Variants in PTPRT observed in about 807,000 individuals in gnomAD.
PTPRT encodes protein tyrosine phosphatase receptor type T, also known as receptor-type tyrosine-protein phosphatase T.
Under a neutral mutation model 176.8 loss-of-function variants are expected in PTPRT, and 56 were observed. The ratio of observed to expected loss-of-function variants is 0.32; its 90% CI spans 0.26 to 0.40. The LOEUF (loss-of-function observed/expected upper bound fraction) is 0.40, where lower values mean the gene tolerates loss of function less well. PTPRT is among the 10% of genes least tolerant of loss of function. The pLI is 1.00. For synonymous variants in PTPRT, 783 were observed against 739.0 expected (o/e 1.06, Z -0.96); for missense variants, 1,540 against 1,908.2 (o/e 0.81, Z 3.60).
At chr20:42,580,620 A>G (rs1250270082) in intron 7 of PTPRT, among the ~76,000 whole-genome samples, 1 of 151,956 alleles carries the variant, frequency 6.6e-6, no homozygotes, top group Non-Finnish European at 1.5e-5. Context: ...GGTCCTTCAC[A>G]TCCTTTGTAA....
At chr20:42,245,459 T>C (rs775201576) in intron 14 of PTPRT, among the ~76,000 whole-genome samples, 3 of 152,200 alleles carry the variant, frequency 2.0e-5, no homozygotes, top group African/African-American at 4.8e-5. Flanking sequence ...TTTCTCCTTT[T>C]CGTTTCTCAA....
intron 9 of PTPRT, among the ~76,000 whole-genome samples, chr20:42,383,628 C>T (rs554729689): frequency 3.9e-4 from 59 of 152,230 alleles, no homozygotes; most frequent in African/African-American, 9.6e-4. Context: ...ACCATTACAG[C>T]TATAATAGGA....
chr20:42,081,938 C>T lies in PTPRT; in HGVS notation c.4216G>A (p.Val1406Met), dbSNP rs943054949. ...CGCAGTGTTTTCACGATGTGGAACA[C>T]GTCAATGATGTTTTGCTGCTGGATC... ...EMIQQQNIIDVFHIVKTLRNN... is the reference protein window; with the variant it reads ...EMIQQQNIIDMFHIVKTLRNN... Residue 1406 changes from valine (V) to methionine (M), a missense_variant, in exon 30 of 31, where the codon GTG (valine) becomes ATG (methionine). Physicochemically the swap from Val to Met is conservative, Grantham distance 21. Around this residue, in one of 11 missense-constraint regions of PTPRT, gnomAD observed 342 missense variants for 394.0 expected, o/e 0.87. Coordinates refer to ENST00000373187, the MANE Select transcript of PTPRT (RefSeq NM_007050.6). 13 of 1,614,240 alleles carry T rather than the reference C, an allele frequency of 8.1e-6. No individual in the cohort carries two copies. The highest frequency in any genetic ancestry group is 2.2e-5 in the South Asian group (2 of 91,082).
At chr20:42,219,453 G>T (rs866196432) in intron 15 of PTPRT, among the ~76,000 whole-genome samples, 1 of 152,172 alleles carries the variant, frequency 6.6e-6, no homozygotes, top group African/African-American at 2.4e-5. Context: ...TAGATAGGGG[G>T]TTGTCCATTC....
At chr20:42,790,835 T>C (rs1000449182) in intron 3 of PTPRT, among the ~76,000 whole-genome samples, 1 of 152,192 alleles carries the variant, frequency 6.6e-6, no homozygotes. Context: ...ATTTCATCTC[T>C]CCGAACCTCA....
At chr20:42,367,099 T>A (rs986734112) in intron 9 of PTPRT, among the ~76,000 whole-genome samples, 1 of 152,232 alleles carries the variant, frequency 6.6e-6, no homozygotes, top group African/African-American at 2.4e-5. Flanking sequence ...GGAAATACTT[T>A]GGGATTATAA....
chr20:42,637,856 G>C (rs2145919867), intron 7 of PTPRT, among the ~76,000 whole-genome samples: 1 of 152,028 alleles, frequency 6.6e-6, no homozygotes, highest in East Asian at 1.9e-4. Context: ...CCTCCAAACT[G>C]ACAAAGCTAA....
intron 8 of PTPRT, among the ~76,000 whole-genome samples, chr20:42,466,957 G>A (rs1176891964): frequency 2.6e-5 from 4 of 152,178 alleles, no homozygotes; most frequent in Non-Finnish European, 5.9e-5. Context: ...TCAGCTTGAA[G>A]AGACTGCCAC....
chr20:42,714,779 G>A (rs919230531), intron 6 of PTPRT, among the ~76,000 whole-genome samples: 4 of 152,194 alleles, frequency 2.6e-5, no homozygotes, highest in African/African-American at 9.7e-5. Flanking sequence ...TTGTTGAACT[G>A]AGGAACCCGA....
At chr20:42,677,516 C>G (rs1392218419) in intron 7 of PTPRT, among the ~76,000 whole-genome samples, 1 of 152,028 alleles carries the variant, frequency 6.6e-6, no homozygotes, top group African/African-American at 2.4e-5. Context: ...ATTAGAAAGC[C>G]TCAGACATAC....
chr20:42,066,063 G>A, the PTPRT span, among the ~76,000 whole-genome samples: 28 of 116,590 alleles, frequency 2.4e-4, no homozygotes, highest in African/African-American at 9.2e-4. Context: ...TTTTGAGACA[G>A]AGTTTCACTC....
intron 1 of PTPRT, among the ~76,000 whole-genome samples, chr20:42,924,882 C>T (rs1333685599): frequency 6.6e-6 from 1 of 152,184 alleles, no homozygotes; most frequent in Non-Finnish European, 1.5e-5. Context: ...AACGCAGATT[C>T]TTGGGCTGTG....
intron 1 of PTPRT, among the ~76,000 whole-genome samples, chr20:42,992,378 C>T (rs893009153): frequency 6.6e-6 from 1 of 152,196 alleles, no homozygotes; most frequent in African/African-American, 2.4e-5. Context: ...TCATCAGTGC[C>T]CATCCCTGGA....
At chr20:43,123,754 G>T (rs1254491110) in intron 1 of PTPRT, among the ~76,000 whole-genome samples, 2 of 152,174 alleles carry the variant, frequency 1.3e-5, no homozygotes, top group African/African-American at 4.8e-5. Context: ...ATCCTAACTA[G>T]TACCTACAGG....
chr20:42,184,518 C>CCGCCTTCTT (rs1990651085), intron 16 of PTPRT, among the ~76,000 whole-genome samples: 1 of 54,398 alleles, frequency 1.8e-5, no homozygotes, highest in Non-Finnish European at 4.6e-5. Flanking sequence ...TCCTCCTCCT[C>CCGCCTTCTT]CTTCTTCTTC....
At chr20:42,916,297 T>C (rs1978750434) in intron 1 of PTPRT, among the ~76,000 whole-genome samples, 1 of 152,148 alleles carries the variant, frequency 6.6e-6, no homozygotes, top group African/African-American at 2.4e-5. Flanking sequence ...CATGAACTCA[T>C]CACTTTTTAT....
At position 42,144,607 on chromosome 20, in the gene PTPRT, G is replaced by A. The variant is rs7347118; in HGVS notation, c.2683-2605C>T. 2.6e-3 allele frequency among the ~76,000 whole-genome samples: 394 copies of A among 152,276 alleles called. 4 individuals carry two copies. The highest frequency in any genetic ancestry group is 8.9e-3 in the African/African-American group (371 of 41,558). On this transcript the variant is annotated intron_variant, in intron 17 of 30. Coordinates refer to ENST00000373187, the MANE Select transcript of PTPRT (RefSeq NM_007050.6). Reference sequence around the variant, plus strand: ...CAGTTATTTCACAGACAGGGAGGACGGGCAGTTAAGGGAGTGGGAACAGCT... The same window carrying A: ...CAGTTATTTCACAGACAGGGAGGACAGGCAGTTAAGGGAGTGGGAACAGCT...
chr20:42,660,838 TTTTGTTTG>T (rs765086639), intron 7 of PTPRT, among the ~76,000 whole-genome samples: 2 of 151,952 alleles, frequency 1.3e-5, no homozygotes, highest in Non-Finnish European at 2.9e-5. Flanking sequence ...AAACAGTGTT[TTTTGTTTG>T]TTTGTTTGTT....
intron 1 of PTPRT, among the ~76,000 whole-genome samples, chr20:42,893,459 C>T (rs1343160661): frequency 1.3e-5 from 2 of 149,834 alleles, no homozygotes; most frequent in Non-Finnish European, 3.0e-5. Context: ...GTGGCGATTC[C>T]TCAGGGATCT....
Sources: allele counts gnomAD v4.1 joint callset (sites outside exome capture counted in the v4.1 genomes callset), GRCh38; gene constraint gnomAD v4.1.1; regional missense constraint gnomAD v4.1.1; transcripts MANE v1.5; gene names NCBI Gene and HGNC (gene_info 2026-07-23, HGNC 2026-07-21).